The following INTS4 variants were observed in gnomAD, a reference collection of about 807,000 sequenced individuals.
INTS4 encodes MSTP093.
In INTS4, 70 loss-of-function variants were observed where a neutral mutation model predicts 119.5. The ratio of observed to expected loss-of-function variants is 0.59; its 90% CI spans 0.48 to 0.71. The LOEUF is 0.71. Among genes scored for constraint, INTS4 ranks in the 30% least tolerant of loss-of-function variants. INTS4 has a pLI of 0.00. For synonymous variants in INTS4, 316 were observed against 419.6 expected (o/e 0.75, Z 3.02); for missense variants, 867 against 1,173.2 (o/e 0.74, Z 3.81).
intron 6 of INTS4, among the ~76,000 whole-genome samples, 183 bp from the exon 7 acceptor site, chr11:77,959,017 A>G (rs548891761): frequency 6.6e-6 from 1 of 152,226 alleles, no homozygotes; most frequent in African/African-American, 2.4e-5. Context: ...CTCTGGCTGT[A>G]TTCTGACTAT....
At chr11:77,879,198 A>AAT in intron 22 of INTS4, 71 bp from the exon 23 acceptor site, 2 of 1,533,422 alleles carry the variant, frequency 1.3e-6, no homozygotes, top group Non-Finnish European at 1.8e-6. Flanking sequence ...TGTGAAGTTA[A>AAT]AGAAATATCA....
chr11:77,963,830 G>A (rs529752114), intron 4 of INTS4, among the ~76,000 whole-genome samples: 69 of 152,278 alleles, frequency 4.5e-4, no homozygotes, highest in African/African-American at 1.6e-3. Context: ...GACCACAGGT[G>A]TGTGCCATCA....
chr11:77,925,707 G>C (rs1339700067), intron 11 of INTS4, among the ~76,000 whole-genome samples: 1 of 152,138 alleles, frequency 6.6e-6, no homozygotes, highest in Non-Finnish European at 1.5e-5. Context: ...GGCCTACAAG[G>C]CTCTCCACCT....
chr11:77,977,056 C>T (rs866057752), intron 4 of INTS4, among the ~76,000 whole-genome samples: 1 of 150,818 alleles, frequency 6.6e-6, no homozygotes, highest in African/African-American at 2.4e-5. Flanking sequence ...TGCACATGTA[C>T]CCTAAAACTT....
At chr11:77,894,246 T>C (rs768331856) in intron 19 of INTS4, 44 bp downstream of exon 19, 11 of 1,057,146 alleles carry the variant, frequency 1.0e-5, no homozygotes, top group East Asian at 7.2e-5. Flanking sequence ...CTATACTCCA[T>C]GTAACCAAGA....
intron 8 of INTS4, among the ~76,000 whole-genome samples, chr11:77,954,731 G>A (rs1305280660): frequency 1.3e-5 from 2 of 152,146 alleles, no homozygotes; most frequent in African/African-American, 4.8e-5. Context: ...ATAATCTAAT[G>A]CAGCTGCTGA....
intron 15 of INTS4, among the ~76,000 whole-genome samples, chr11:77,913,513 G>T (rs1425856936): frequency 6.6e-6 from 1 of 151,892 alleles, no homozygotes; most frequent in African/African-American, 2.4e-5. Context: ...GGGTTTCATC[G>T]TGTTAGCCAG....
intron 2 of INTS4, among the ~76,000 whole-genome samples, chr11:77,983,657 C>G (rs1856331350): frequency 6.6e-6 from 1 of 152,052 alleles, no homozygotes; most frequent in African/African-American, 2.4e-5. Context: ...GTTAAGATGG[C>G]TACTATCAAA....
At chr11:77,881,813 C>T (rs1441239955) in intron 22 of INTS4, among the ~76,000 whole-genome samples, 1 of 151,970 alleles carries the variant, frequency 6.6e-6, no homozygotes, top group Non-Finnish European at 1.5e-5. Flanking sequence ...CATCTGAAAC[C>T]AGTACGCACT....
intron 18 of INTS4, among the ~76,000 whole-genome samples, chr11:77,895,043 T>G (rs1952451395): frequency 6.6e-6 from 1 of 152,258 alleles, no homozygotes; most frequent in Non-Finnish European, 1.5e-5. Context: ...GTTACTATTT[T>G]GGCGACAGAC....
In INTS4 at chr11:77,938,809, T is replaced by C. The variant is rs772809454; in HGVS notation, c.1007A>G (p.His336Arg). Reference protein sequence around the residue: ...MSDLRRKRTAHERAKELYSSG... With the variant: ...MSDLRRKRTARERAKELYSSG... ...ACTGTAAAGTTCCTTGGCACGCTCA[T>C]GTGCAGTACGTTTCCTCTGCAGAGG... Residue 336 changes from histidine (H) to arginine (R), a missense_variant, in exon 10 of 23, where the codon CAT becomes CGT. Physicochemically the swap from His to Arg is conservative, Grantham distance 29. Transcript: ENST00000534064. The C allele has an allele frequency of 7.4e-6, 12 of 1,611,736 alleles. No homozygotes were observed. The highest frequency in any genetic ancestry group is 1.0e-5 in the Non-Finnish European group (12 of 1,179,792).
intron 18 of INTS4, chr11:77,900,444 G>A (rs1448579085): frequency 3.8e-6 from 2 of 532,112 alleles, no homozygotes; most frequent in African/African-American, 1.9e-5. Context: ...ACTTTATGAG[G>A]TCACTATCAA....
chr11:77,941,110 A>T, intron 9 of INTS4, 70 bp downstream of exon 9: 1 of 1,570,264 alleles, frequency 6.4e-7, no homozygotes, highest in Non-Finnish European at 8.6e-7. Flanking sequence ...TTAAATCAAC[A>T]CAACTCAGCA....
chr11:77,962,715 CA>C (rs890649301), intron 4 of INTS4, among the ~76,000 whole-genome samples: 50 of 141,900 alleles, frequency 3.5e-4, no homozygotes, highest in East Asian at 1.4e-3. Context: ...TATTTTTTTT[CA>C]AAAAAAAAAA....
At chr11:77,877,761 T>A (rs1309712372), downstream of INTS4, among the ~76,000 whole-genome samples, 6 of 152,014 alleles carry the variant, frequency 3.9e-5, no homozygotes, top group South Asian at 8.3e-4. Context: ...TTTTTTTTTT[T>A]AAACAGAGAT....
chr11:77,993,579 C>T (rs1017187318), intron 1 of INTS4, among the ~76,000 whole-genome samples: 1 of 152,130 alleles, frequency 6.6e-6, no homozygotes, highest in Admixed American at 6.6e-5. Context: ...TTCTTAATGC[C>T]ACTGAACTTT....
Position 77,878,885 on chromosome 11 carries a change from G to T in INTS4, c.*64C>A. ...ATCAATTCCAGGTGAAGTGCTTCAG[G>T]CTTGGCTCATTCTGACACCTAAGAA... On this transcript the variant is annotated 3_prime_UTR_variant, in exon 23 of 23. Transcript: ENST00000534064. 1 of 1,231,150 alleles carries T rather than the reference G, an allele frequency of 8.1e-7. No homozygotes were observed. Among genetic ancestry groups the T allele is most frequent in the Non-Finnish European group, 1.2e-6 (1 of 833,016 alleles). 76.3% of individuals were successfully genotyped at this position (1,231,150 alleles called of 1,614,324 possible). A position where few individuals can be genotyped will look rare whatever the true frequency, so the allele number is the denominator to read the frequency against.
At position 77,973,796 on chromosome 11, in the gene INTS4, C is replaced by T. The variant is rs1855829610; in HGVS notation, c.471+5200G>A. ...CCTTGCATTCCTGGAATAAATCCCACTTGATTATGGTATATACTCCTACTT... is the reference window on the plus strand; with the variant it reads ...CCTTGCATTCCTGGAATAAATCCCATTTGATTATGGTATATACTCCTACTT... On this transcript the variant is annotated intron_variant, in intron 4 of 22. Transcript: ENST00000534064. Among the ~76,000 whole-genome samples, 3 of 152,258 alleles carry T rather than the reference C, an allele frequency of 2.0e-5. No individual in the cohort carries two copies. The South Asian group carries it at 6.2e-4, about 32-fold the overall frequency.
chr11:77,900,759 G>A, intron 18 of INTS4: 1 of 609,130 alleles, frequency 1.6e-6, no homozygotes, highest in Non-Finnish European at 2.9e-6. Context: ...TAAAAAATGT[G>A]TATCTTGGAA....
Sources: gnomAD v4.1 joint callset for allele counts (sites outside exome capture counted in the v4.1 genomes callset) on GRCh38, gnomAD v4.1.1 for gene constraint, MANE v1.5 for transcripts, NCBI Gene and HGNC (gene_info 2026-07-23, HGNC 2026-07-21) for gene names.